The following SIMC1 variants were observed in gnomAD, a reference collection of about 807,000 sequenced individuals.
SIMC1 encodes the protein SUMO interacting motifs containing 1.
In SIMC1, 55 loss-of-function variants were observed where a neutral mutation model predicts 82.3. The ratio of observed to expected loss-of-function variants is 0.67; its 90% CI spans 0.54 to 0.84. The LOEUF is 0.84. Ranked by LOEUF, SIMC1 falls within the 40% of genes least tolerant of loss-of-function variation. The pLI, the probability that SIMC1 is intolerant of heterozygous loss-of-function variation, is 0.00. For missense variants in SIMC1, 915 were observed against 1,107.2 expected (o/e 0.83, Z 2.46); for synonymous variants, 353 against 426.3 (o/e 0.83, Z 2.12).
At chr5:176,280,612 C>A (rs915965981) in intron 1 of SIMC1, among the ~76,000 whole-genome samples, 3 of 152,050 alleles carry the variant, frequency 2.0e-5, no homozygotes, top group Admixed American at 1.3e-4. Flanking sequence ...CCTTCAGGAG[C>A]TCTTGTACGG....
At position 176,240,727 on chromosome 5, in the gene SIMC1, G is replaced by A. The variant is rs1405869681; in HGVS notation, c.129+2090G>A. On this transcript the variant is annotated intron_variant, in intron 1 of 9. Coordinates refer to ENST00000429602, the MANE Select transcript of SIMC1 (RefSeq NM_001308195.2). Reference sequence around the variant, plus strand: ...CCTTTTCTTTGTAGCTTTTCCTGAAGGCTCTGAGGTCAGAGAGACTTCTGA... The same window carrying A: ...CCTTTTCTTTGTAGCTTTTCCTGAAAGCTCTGAGGTCAGAGAGACTTCTGA... Among the ~76,000 whole-genome samples, 15 of 93,150 alleles carry A rather than the reference G, an allele frequency of 1.6e-4. 5 individuals are homozygous for A. Among genetic ancestry groups the A allele is most frequent in the Non-Finnish European group, 3.3e-4 (14 of 41,866 alleles). The allele number at this position is 93,150 out of a possible 152,430, so 61.1% of individuals were successfully genotyped here.
intron 1 of SIMC1, among the ~76,000 whole-genome samples, chr5:176,286,783 C>G (rs1034788986): frequency 6.6e-6 from 1 of 152,094 alleles, no homozygotes; most frequent in South Asian, 2.1e-4. Flanking sequence ...AACAAATTTA[C>G]AAGAAAAAAT....
At chr5:176,252,632 CAG>C (rs1761713285) in intron 1 of SIMC1, among the ~76,000 whole-genome samples, 1 of 151,042 alleles carries the variant, frequency 6.6e-6, no homozygotes, top group African/African-American at 2.4e-5. Context: ...GGCGGCCGGG[CAG>C]AGACGCTCCT....
chr5:176,287,721 A>G (rs1013739553), intron 1 of SIMC1, among the ~76,000 whole-genome samples: 10 of 151,920 alleles, frequency 6.6e-5, no homozygotes, highest in Non-Finnish European at 1.0e-4. Flanking sequence ...AAAGAAAAAA[A>G]AAATCCTAAG....
chr5:176,242,220 G>C (rs1260242703), intron 1 of SIMC1, among the ~76,000 whole-genome samples: 2 of 151,984 alleles, frequency 1.3e-5, no homozygotes, highest in African/African-American at 4.8e-5. Context: ...TATCACGGTA[G>C]TACAGTGTAG....
At chr5:176,310,647 AGGAGGTGTG>A (rs1764626285) in intron 4 of SIMC1, among the ~76,000 whole-genome samples, 1 of 152,206 alleles carries the variant, frequency 6.6e-6, no homozygotes, top group Non-Finnish European at 1.5e-5. Flanking sequence ...TAGGGACTGG[AGGAGGTGTG>A]GGGTATGTAT....
At chr5:176,329,497 A>T (rs1765540914) in intron 7 of SIMC1, among the ~76,000 whole-genome samples, 2 of 8,906 alleles carry the variant, frequency 2.2e-4, no homozygotes, top group Admixed American at 2.1e-3. Context: ...CTCCCTCTTT[A>T]AAAAAAAAAA....
intron 1 of SIMC1, among the ~76,000 whole-genome samples, chr5:176,245,589 A>G (rs1168544879): frequency 1.3e-5 from 2 of 152,152 alleles, no homozygotes; most frequent in Non-Finnish European, 2.9e-5. Flanking sequence ...ACATTTTTAT[A>G]TAGTCAATTC....
chr5:176,325,241 G>T (rs868770500), intron 7 of SIMC1, among the ~76,000 whole-genome samples: 4 of 152,056 alleles, frequency 2.6e-5, no homozygotes, highest in South Asian at 4.1e-4. Context: ...ACAAAAATTA[G>T]TTGGGCGTGG....
Position 176,245,422 on chromosome 5 carries a change from A to G in SIMC1, c.129+6785A>G, listed in dbSNP as rs1338993997. ...TGGCTCTGTAGACACCTTGATTTCAAACCTTTAGCCTCCAGGACTGTGAGG... is the reference window on the plus strand; with the variant it reads ...TGGCTCTGTAGACACCTTGATTTCAGACCTTTAGCCTCCAGGACTGTGAGG... On this transcript the variant is annotated intron_variant, in intron 1 of 9. Coordinates refer to ENST00000429602, the MANE Select transcript of SIMC1 (RefSeq NM_001308195.2). Among the ~76,000 whole-genome samples the G allele has an allele frequency of 1.3e-3, 194 of 152,010 alleles. 1 individual carries two copies. Among genetic ancestry groups the G allele is most frequent in the African/African-American group, 4.5e-3 (188 of 41,412 alleles).
intron 6 of SIMC1, among the ~76,000 whole-genome samples, chr5:176,324,294 AGGG>A (rs1360037837): frequency 3.9e-5 from 6 of 152,350 alleles, no homozygotes; most frequent in Middle Eastern, 3.4e-3. Context: ...TCTGCAAAAC[AGGG>A]AAGTTATAGA....
rs1173030195 is a variant in SIMC1, at chr5:176,291,159, C to CTTTT, written c.1431+223_1431+226dup. Among the ~76,000 whole-genome samples the CTTTT allele has an allele frequency of 3.6e-4, 32 of 88,496 alleles. 1 individual carries two copies. Among genetic ancestry groups the CTTTT allele is most frequent in the Non-Finnish European group, 4.3e-4 (21 of 48,312 alleles). The allele number at this position is 88,496 out of a possible 152,430, so 58.1% of individuals were successfully genotyped here. On this transcript the variant is annotated intron_variant, in intron 2 of 9. Transcript: ENST00000429602. ...CCCACGCTTAAAAACTGTCACTTTACTTTTTTTTTTTTTTTTTTTTTTGAG... is the reference window on the plus strand; with the variant it reads ...CCCACGCTTAAAAACTGTCACTTTACTTTTTTTTTTTTTTTTTTTTTTTTTTGAG...
chr5:176,320,478 C>CCCACCT (rs1369076619), intron 5 of SIMC1, among the ~76,000 whole-genome samples: 2 of 152,210 alleles, frequency 1.3e-5, no homozygotes, highest in East Asian at 3.9e-4. Flanking sequence ...AGGTGATCCT[C>CCCACCT]CCACCTCAGC....
At chr5:176,282,805 TA>T (rs1369079174) in intron 1 of SIMC1, among the ~76,000 whole-genome samples, 1 of 152,124 alleles carries the variant, frequency 6.6e-6, no homozygotes, top group African/African-American at 2.4e-5. Context: ...CTAACTACAA[TA>T]ACCAATGAAG....
At chr5:176,272,078 C>T (rs1762461144) in intron 1 of SIMC1, among the ~76,000 whole-genome samples, 2 of 144,082 alleles carry the variant, frequency 1.4e-5, no homozygotes, top group Non-Finnish European at 3.0e-5. Context: ...CACAGTGGCT[C>T]ACGCTGGTCA....
At chr5:176,281,701 CCT>C (rs939140829) in intron 1 of SIMC1, among the ~76,000 whole-genome samples, 7 of 152,138 alleles carry the variant, frequency 4.6e-5, no homozygotes, top group Non-Finnish European at 1.0e-4. Context: ...CACTCCAGAC[CCT>C]GTTTGCCTGG....
intron 7 of SIMC1, among the ~76,000 whole-genome samples, chr5:176,329,148 A>G (rs902308717): frequency 6.6e-6 from 1 of 152,138 alleles, no homozygotes; most frequent in African/African-American, 2.4e-5. Context: ...ACCTGTGTAG[A>G]TTTTTATGAC....
chr5:176,303,713 T>G (rs1764144033), intron 4 of SIMC1, among the ~76,000 whole-genome samples: 1 of 152,176 alleles, frequency 6.6e-6, no homozygotes, highest in Admixed American at 6.5e-5. Flanking sequence ...AACAGTGTGG[T>G]ACAAGAAAGA....
chr5:176,258,111 T>C (rs1316779066), intron 1 of SIMC1, among the ~76,000 whole-genome samples: 2 of 152,228 alleles, frequency 1.3e-5, no homozygotes, highest in African/African-American at 2.4e-5. Context: ...AGTAAAACTA[T>C]AAGACTTCCT....
Sources: allele counts gnomAD v4.1 joint callset (sites outside exome capture counted in the v4.1 genomes callset), GRCh38; gene constraint gnomAD v4.1.1; transcripts MANE v1.5; gene names NCBI Gene and HGNC (gene_info 2026-07-23, HGNC 2026-07-21).